The following PSEN1 variants were observed in gnomAD, a reference collection of about 807,000 sequenced individuals.
PSEN1 encodes presenilin 1, also known as presenilin-1.
PSEN1 carries 15 observed loss-of-function variants against 53.5 expected under a neutral mutation model. The observed-to-expected ratio is 0.28, with a 90% CI of 0.19 to 0.43. PSEN1 has a LOEUF of 0.43. PSEN1 is among the 20% of genes least tolerant of loss of function. The probability of loss-of-function intolerance (pLI) is 1.00; values close to 1 mark genes in which losing one functional copy is unlikely to be tolerated. For missense variants in PSEN1, 387 were observed against 571.2 expected, an observed-to-expected ratio of 0.68 and a Z score of 3.29; for synonymous variants, 208 against 209.8, an observed-to-expected ratio of 0.99 and a Z score of 0.08.
rs746087815 is a variant in PSEN1 at position 73,186,929 on chromosome 14, T to G, written c.548+9T>G. ...TCATTCATTTACTTGGGGTAAGTTG[T>G]GAAATTTTTGGTCTGTCTTTCAGAA... is the stretch of plus-strand genomic sequence containing the variant. On this transcript the variant is annotated intron_variant, in intron 6 of 11. Coordinates refer to ENST00000324501, the MANE Select transcript of PSEN1 (RefSeq NM_000021.4). 6.2e-7 allele frequency: 1 copy of G among 1,607,398 alleles called. No individual in the cohort carries two copies. Among genetic ancestry groups the G allele is most frequent in the South Asian group, 1.1e-5 (1 of 90,942 alleles).
At chr14:73,149,516 T>A (rs1253548946) in intron 3 of PSEN1, among the ~76,000 whole-genome samples, 1 of 152,126 alleles carries the variant, frequency 6.6e-6, no homozygotes, top group Non-Finnish European at 1.5e-5. Context: ...CTCTGAAGAT[T>A]TAGGATTCTT....
At position 73,150,851 on chromosome 14, in the gene PSEN1, C is replaced by T. The variant is rs369084415; in HGVS notation, c.87+2745C>T. 5.3e-4 allele frequency among the ~76,000 whole-genome samples: 79 copies of T among 150,084 alleles called. No homozygotes were observed. The East Asian group carries it at 6.1e-3, about 12-fold the overall frequency. ...TTGGGAGGCCGAGGAGGGCGGATCA[C>T]GAGGTCAAGAGACAGACCATCCTGG... On this transcript the variant is annotated intron_variant, in intron 3 of 11. Coordinates refer to ENST00000324501, the MANE Select transcript of PSEN1 (RefSeq NM_000021.4).
In PSEN1 at chr14:73,148,120, C is replaced by G; in HGVS notation, c.87+14C>G. ...GTACGTAGCCAGGTACAGTGTCAGT[C>G]TCTGAAACTGCCTTTGCCAGACTGG... On this transcript the variant is annotated intron_variant, in intron 3 of 11. Transcript: ENST00000324501. 6.3e-7 allele frequency: 1 copy of G among 1,595,674 alleles called. No individual in the cohort carries two copies. The highest frequency in any genetic ancestry group is 8.6e-7 in the Non-Finnish European group (1 of 1,163,980).
chr14:73,183,290 G>C (rs1297555132), intron 5 of PSEN1, among the ~76,000 whole-genome samples: 1 of 120,372 alleles, frequency 8.3e-6, no homozygotes, highest in Non-Finnish European at 1.7e-5. Context: ...GCTAATTTTT[G>C]TATTTTTTTT....
chr14:73,190,501 A>AAT (rs1414143662), intron 6 of PSEN1, among the ~76,000 whole-genome samples: 6 of 152,148 alleles, frequency 3.9e-5, no homozygotes, highest in African/African-American at 1.4e-4. Context: ...AAAAAAAAAA[A>AAT]AAAATTAAAA....
At chr14:73,202,261 A>C (rs1034429346) in intron 8 of PSEN1, among the ~76,000 whole-genome samples, 1 of 149,810 alleles carries the variant, frequency 6.7e-6, no homozygotes, top group Non-Finnish European at 1.5e-5. Context: ...AGAAGGGAAA[A>C]TACATTCTAC....
At chr14:73,185,152 T>G (rs1342806005) in intron 5 of PSEN1, among the ~76,000 whole-genome samples, 1 of 138,730 alleles carries the variant, frequency 7.2e-6, no homozygotes, top group Non-Finnish European at 1.5e-5. Flanking sequence ...GCTCCTCACA[T>G]CCCAGATGAT....
chr14:73,186,097 T>C (rs1055617236), intron 5 of PSEN1, among the ~76,000 whole-genome samples: 4 of 152,182 alleles, frequency 2.6e-5, no homozygotes, highest in African/African-American at 9.6e-5. Flanking sequence ...AATATTCAAA[T>C]GTTGGCTAGG....
intron 7 of PSEN1, among the ~76,000 whole-genome samples, chr14:73,194,239 C>CTTTT (rs142355580): frequency 6.7e-6 from 1 of 149,088 alleles, no homozygotes. Flanking sequence ...TGGCCATACT[C>CTTTT]TTTTTTTTTT....
Position 73,170,888 on chromosome 14 carries a change from G to T in PSEN1, c.179G>T (p.Arg60Leu). The T allele has an allele frequency of 6.2e-7, 1 of 1,614,154 alleles. No homozygotes were observed. The highest frequency in any genetic ancestry group is 2.2e-5 in the East Asian group (1 of 44,886). The change falls in exon 4 of 12, where the codon CGG becomes CTG. Residue 60 changes from arginine (R) to leucine (L), a missense_variant. By Grantham distance (102) the Arg-to-Leu change is moderately radical. Coordinates refer to ENST00000324501, the MANE Select transcript of PSEN1 (RefSeq NM_000021.4). Reference protein sequence around the residue: ...LSNGRPQGNSRQVVEQDEEED... With the variant: ...LSNGRPQGNSLQVVEQDEEED... ...AATGGACGACCCCAGGGTAACTCCC[G>T]GCAGGTGGTGGAGCAAGATGAGGAA...
chr14:73,163,706 A>G (rs3025779), intron 3 of PSEN1, among the ~76,000 whole-genome samples: 2,287 of 152,302 alleles, frequency 0.015, 57 homozygotes, highest in African/African-American at 0.051. Flanking sequence ...GACAAGGAAC[A>G]GTCAGGTGGG....
intron 9 of PSEN1, among the ~76,000 whole-genome samples, chr14:73,210,721 A>G (rs1421422593): frequency 1.3e-5 from 2 of 152,196 alleles, no homozygotes; most frequent in African/African-American, 4.8e-5. Flanking sequence ...AACTATCAAT[A>G]CAAAATTGTG....
At chr14:73,216,235 T>C (rs1327832105) in intron 10 of PSEN1, among the ~76,000 whole-genome samples, 1 of 152,130 alleles carries the variant, frequency 6.6e-6, no homozygotes, top group African/African-American at 2.4e-5. Flanking sequence ...GGCAAATTTA[T>C]TGAGATAGAA....
rs567626419 is a variant in PSEN1 at position 73,143,030 on chromosome 14, T to C, written c.-135-4765T>C. On this transcript the variant is annotated intron_variant, in intron 1 of 11. Coordinates refer to ENST00000324501, the MANE Select transcript of PSEN1 (RefSeq NM_000021.4). ...TCTGGGTAACTGTTGTTGTTTTTGT[T>C]GTTCACAGGGCTAAGAATGTTCATG... Among the ~76,000 whole-genome samples the C allele has an allele frequency of 2.6e-5, 4 of 152,324 alleles. No homozygotes were observed. The East Asian group carries it at 7.7e-4, about 29-fold the overall frequency.
rs374615740 is a variant in PSEN1, at chr14:73,218,923, A to G, written c.1249-211A>G. 4.2e-4 allele frequency among the ~76,000 whole-genome samples: 64 copies of G among 152,344 alleles called. 1 individual carries two copies. The highest frequency in any genetic ancestry group is 1.2e-3 in the African/African-American group (49 of 41,564). ...ACTAGAATTAAGGGATAAAATAACA[A>G]TGTGTGCATAATGAACCCTATGAAA... On this transcript the variant is annotated intron_variant, in intron 11 of 11. Transcript: ENST00000324501.
chr14:73,191,718 A>C (rs1898726120), intron 6 of PSEN1, among the ~76,000 whole-genome samples: 1 of 151,702 alleles, frequency 6.6e-6, no homozygotes, highest in Non-Finnish European at 1.5e-5. Flanking sequence ...AGCTAATTTT[A>C]AAATTTTTTT....
chr14:73,208,536 C>T lies in PSEN1; in HGVS notation c.955+2064C>T, dbSNP rs377504261. On this transcript the variant is annotated intron_variant, in intron 9 of 11. Transcript: ENST00000324501. ...TATCTCCTATCCACAAGCAGGTCAT[C>T]CCATCATCTCTGCAGCCCTCAGTGG... 1.1e-3 allele frequency among the ~76,000 whole-genome samples: 162 copies of T among 152,122 alleles called. 5 individuals are homozygous for T. The South Asian group carries it at 0.032, about 30-fold the overall frequency.
intron 3 of PSEN1, among the ~76,000 whole-genome samples, chr14:73,158,574 G>A (rs910150033): frequency 2.6e-5 from 4 of 151,982 alleles, no homozygotes; most frequent in African/African-American, 9.7e-5. Flanking sequence ...GATCTGCCTC[G>A]GCCCCCCAAA....
At chr14:73,185,685 A>T (rs1307157425) in intron 5 of PSEN1, among the ~76,000 whole-genome samples, 1 of 152,174 alleles carries the variant, frequency 6.6e-6, no homozygotes. Context: ...ATAGTTCCAG[A>T]GGCCAGAAGT....
Sources: allele counts gnomAD v4.1 joint callset (sites outside exome capture counted in the v4.1 genomes callset), GRCh38; gene constraint gnomAD v4.1.1; transcripts MANE v1.5; gene names NCBI Gene and HGNC (gene_info 2026-07-23, HGNC 2026-07-21).